Variants in PTPRR observed in about 807,000 individuals in gnomAD.
PTPRR encodes receptor-type tyrosine-protein phosphatase R.
PTPRR carries 38 observed loss-of-function variants against 77.2 expected under a neutral mutation model. The observed-to-expected ratio is 0.49, with a 90% confidence interval of 0.38 to 0.65. The LOEUF (loss-of-function observed/expected upper bound fraction) is 0.65, where lower values mean the gene tolerates loss of function less well. Among genes scored for constraint, PTPRR ranks in the 30% least tolerant of loss-of-function variants. PTPRR has a pLI of 0.00. For synonymous variants in PTPRR, 299 were observed against 283.1 expected (o/e 1.06, Z -0.57); for missense variants, 744 against 799.2 (o/e 0.93, Z 0.83).
intron 2 of PTPRR, among the ~76,000 whole-genome samples, chr12:70,768,771 G>A (rs1432610796): frequency 3.3e-5 from 5 of 151,966 alleles, no homozygotes; most frequent in Non-Finnish European, 7.4e-5. Context: ...TAAAATACGG[G>A]CAAACCGAAT....
At chr12:70,884,399 G>A (rs1336307575) in intron 2 of PTPRR, among the ~76,000 whole-genome samples, 2 of 152,060 alleles carry the variant, frequency 1.3e-5, no homozygotes, top group Admixed American at 1.3e-4. Context: ...AGAAAGAAAA[G>A]GGGACAAAGT....
chr12:70,775,752 A>T (rs560767589), intron 2 of PTPRR, among the ~76,000 whole-genome samples: 96 of 152,144 alleles, frequency 6.3e-4, no homozygotes, highest in Middle Eastern at 3.4e-3. Flanking sequence ...GCTAGAAGAA[A>T]TCCATCCACT....
intron 2 of PTPRR, among the ~76,000 whole-genome samples, chr12:70,770,062 GA>G (rs1890932776): frequency 6.6e-6 from 1 of 151,532 alleles, no homozygotes; most frequent in African/African-American, 2.4e-5. Context: ...AACCCTAGAA[GA>G]AAACCTAGGC....
intron 2 of PTPRR, among the ~76,000 whole-genome samples, chr12:70,833,436 G>C (rs1443027504): frequency 6.6e-6 from 1 of 152,148 alleles, no homozygotes; most frequent in East Asian, 1.9e-4. Flanking sequence ...AGACAGCCAG[G>C]TGGGCTGGAG....
At chr12:70,830,058 C>T (rs181877439) in intron 2 of PTPRR, among the ~76,000 whole-genome samples, 1 of 152,240 alleles carries the variant, frequency 6.6e-6, no homozygotes, top group Admixed American at 6.5e-5. Context: ...TTCTCCTACT[C>T]TGCATTCCCT....
chr12:70,773,012 G>A (rs548503068), intron 2 of PTPRR, among the ~76,000 whole-genome samples: 172 of 152,126 alleles, frequency 1.1e-3, no homozygotes, highest in African/African-American at 3.9e-3. Flanking sequence ...CTAGCTTCTG[G>A]TGTTTGCCAG....
At chr12:70,714,542 G>T (rs1888948097) in intron 6 of PTPRR, among the ~76,000 whole-genome samples, 2 of 152,050 alleles carry the variant, frequency 1.3e-5, no homozygotes, top group Admixed American at 1.3e-4. Flanking sequence ...CAACAATGTG[G>T]ATTTCATAAT....
chr12:70,856,146 C>A (rs972777686), intron 2 of PTPRR, among the ~76,000 whole-genome samples: 3 of 152,110 alleles, frequency 2.0e-5, no homozygotes, highest in Admixed American at 6.6e-5. Flanking sequence ...CATTCAGATA[C>A]AAATATTATC....
chr12:70,736,840 T>G (rs535558934), intron 6 of PTPRR, among the ~76,000 whole-genome samples: 8 of 152,296 alleles, frequency 5.3e-5, no homozygotes, highest in Admixed American at 3.3e-4. Context: ...ATGGTGTTTA[T>G]TTGAAGGAGG....
At position 70,795,913 on chromosome 12, in the gene PTPRR, A is replaced by ATTTTTTTTTTTTTTTTTTTTTTT. The variant is rs71437157; in HGVS notation, c.358-31158_358-31136dup. On this transcript the variant is annotated intron_variant, in intron 2 of 13. Transcript: ENST00000283228. ...TATATGTTCAAAATGTATTTAGTAG[A>ATTTTTTTTTTTTTTTTTTTTTTT]TTTTTTTTTTTTTTTTTTTTTTTTT... Among the ~76,000 whole-genome samples the ATTTTTTTTTTTTTTTTTTTTTTT allele has an allele frequency of 3.4e-5, 3 of 88,356 alleles. 1 individual carries two copies. Among genetic ancestry groups the ATTTTTTTTTTTTTTTTTTTTTTT allele is most frequent in the Non-Finnish European group, 6.6e-5 (3 of 45,284 alleles). The allele number at this position is 88,356 out of a possible 152,430, so 58.0% of individuals were successfully genotyped here.
chr12:70,880,486 C>T (rs1893130284), intron 2 of PTPRR, among the ~76,000 whole-genome samples: 1 of 152,106 alleles, frequency 6.6e-6, no homozygotes, highest in African/African-American at 2.4e-5. Flanking sequence ...ACTATTTTCT[C>T]CCTGCCACAT....
chr12:70,709,538 T>A (rs1289270370), intron 6 of PTPRR, among the ~76,000 whole-genome samples: 1 of 152,066 alleles, frequency 6.6e-6, no homozygotes, highest in Non-Finnish European at 1.5e-5. Context: ...TGTTTGCAGA[T>A]GACATGATCC....
intron 6 of PTPRR, among the ~76,000 whole-genome samples, chr12:70,722,782 C>T (rs1050077863): frequency 6.6e-6 from 1 of 152,128 alleles, no homozygotes; most frequent in Non-Finnish European, 1.5e-5. Flanking sequence ...CCCCCTGTTT[C>T]ACAGTTCATA....
intron 6 of PTPRR, among the ~76,000 whole-genome samples, chr12:70,705,990 C>T (rs1284662941): frequency 6.6e-6 from 1 of 151,612 alleles, no homozygotes; most frequent in African/African-American, 2.4e-5. Context: ...TACAATTTTT[C>T]TACATAGTTT....
chr12:70,754,292 A>G lies in PTPRR; in HGVS notation c.637T>C (p.Leu213=). The G allele has an allele frequency of 1.2e-6, 2 of 1,613,330 alleles. No individual in the cohort carries two copies. The highest frequency in any genetic ancestry group is 8.5e-7 in the Non-Finnish European group (1 of 1,179,740). The change falls in exon 5 of 14, where the codon TTA becomes CTA. Residue 213 remains leucine (L), a synonymous_variant. Transcript: ENST00000283228. ...TTGTCCGCTTCATGCTGCCCTTGTA[A>G]AACATTTTTCTTTAAAAGCAAAACA... ...ITEVSPEKNV[L]QGQHEADKIW...
intron 6 of PTPRR, among the ~76,000 whole-genome samples, chr12:70,732,578 C>A (rs1372804205): frequency 2.0e-5 from 3 of 152,052 alleles, no homozygotes; most frequent in Admixed American, 2.0e-4. Context: ...TGTTTTCCTC[C>A]GAGGCAGAGT....
intron 2 of PTPRR, among the ~76,000 whole-genome samples, chr12:70,875,950 GC>G (rs1375152849): frequency 3.9e-5 from 6 of 152,100 alleles, no homozygotes; most frequent in African/African-American, 1.4e-4. Context: ...GCAAAGGAAA[GC>G]AGTAATGAGG....
intron 2 of PTPRR, among the ~76,000 whole-genome samples, chr12:70,863,444 C>G (rs1401583497): frequency 6.6e-6 from 1 of 152,062 alleles, no homozygotes; most frequent in Admixed American, 6.6e-5. Flanking sequence ...ATCTATTATT[C>G]TGCTTTAATT....
chr12:70,699,795 G>A (rs1044784010), intron 7 of PTPRR, among the ~76,000 whole-genome samples: 8 of 152,102 alleles, frequency 5.3e-5, no homozygotes, highest in African/African-American at 1.4e-4. Context: ...TTTCAAGCAC[G>A]TCAGTGTCTT....
Sources: allele counts gnomAD v4.1 joint callset (sites outside exome capture counted in the v4.1 genomes callset), GRCh38; gene constraint gnomAD v4.1.1; transcripts MANE v1.5; gene names NCBI Gene and HGNC (gene_info 2026-07-23, HGNC 2026-07-21).